PTGER4: variants seen among roughly 807,000 people sequenced by gnomAD.
The protein encoded by PTGER4 is prostaglandin E2 receptor EP4 subtype.
Under a neutral mutation model 33.2 loss-of-function variants are expected in PTGER4, and 11 were observed. That is an observed-to-expected ratio of 0.33 (90% CI 0.21 to 0.55). The LOEUF (loss-of-function observed/expected upper bound fraction) is 0.55. Among genes scored for constraint, PTGER4 ranks in the 20% least tolerant of loss-of-function variants. PTGER4 has a pLI of 0.92. For missense variants in PTGER4, 481 were observed against 650.2 expected (o/e 0.74, Z 2.83); for synonymous variants, 275 against 281.5 (o/e 0.98, Z 0.23).
chr5:40,681,837 C>A lies in PTGER4; in HGVS notation c.844C>A (p.Leu282Ile). Reference sequence around the variant, plus strand: ...ACTCATTGCCACCTCCCTGGTGGTGCTCATCTGCTCCATCCCGCTCGTGGT... The same window carrying A: ...ACTCATTGCCACCTCCCTGGTGGTGATCATCTGCTCCATCCCGCTCGTGGT... ...ILLIATSLVV[L>I]ICSIPLVVRV... Residue 282 changes from leucine to isoleucine, a missense_variant, in exon 2 of 3, where the codon CTC (leucine) becomes ATC (isoleucine). Physicochemically the swap from Leu to Ile is conservative, Grantham distance 5. This residue lies in a region of PTGER4 where 174 missense variants were observed against 210.5 expected (regional missense o/e 0.83). Coordinates refer to ENST00000302472, the MANE Select transcript of PTGER4 (RefSeq NM_000958.3). The surrounding 1 kb of genome is among the most constrained non-coding windows in gnomAD (Gnocchi z 9.8). 6.4e-7 allele frequency: 1 copy of A among 1,552,160 alleles called. No individual in the cohort carries two copies. The highest frequency in any genetic ancestry group is 2.0e-5 in the Admixed American group (1 of 50,380).
chr5:40,707,687 G>C, the PTGER4 span, among the ~76,000 whole-genome samples: 162 of 152,224 alleles, frequency 1.1e-3, 1 homozygote, highest in East Asian at 0.026. Context: ...CGACCTAACA[G>C]ACCTCTACAG....
At chr5:40,697,278 GAAAGAAAGAA>G (rs1741632974), downstream of PTGER4, among the ~76,000 whole-genome samples, 1 of 129,860 alleles carries the variant, frequency 7.7e-6, no homozygotes, top group East Asian at 2.9e-4. Context: ...AAGAAAGAAA[GAAAGAAAGAA>G]AGAAAGAAAA....
the PTGER4 span, among the ~76,000 whole-genome samples, chr5:40,707,616 G>T: frequency 6.6e-6 from 1 of 152,114 alleles, no homozygotes; most frequent in Admixed American, 6.5e-5. Flanking sequence ...ACATTAGACA[G>T]ATCCACGAGA....
chr5:40,722,750 G>A, the PTGER4 span, among the ~76,000 whole-genome samples: 5 of 150,748 alleles, frequency 3.3e-5, no homozygotes, highest in African/African-American at 7.3e-5. Flanking sequence ...GCCCCTGCCC[G>A]GCCAGACGCC....
the PTGER4 span, among the ~76,000 whole-genome samples, chr5:40,703,568 G>C: frequency 6.6e-6 from 1 of 152,188 alleles, no homozygotes; most frequent in South Asian, 2.1e-4. Context: ...GATATACAAA[G>C]AAGAGCTGGT....
At chr5:40,695,070 C>T (rs955719765), downstream of PTGER4, among the ~76,000 whole-genome samples, 8 of 149,298 alleles carry the variant, frequency 5.4e-5, no homozygotes, top group Admixed American at 1.3e-4. Context: ...ACAATCTAAC[C>T]GATTAGATCA....
At chr5:40,700,537 G>C in the PTGER4 span, among the ~76,000 whole-genome samples, 3 of 152,248 alleles carry the variant, frequency 2.0e-5, no homozygotes, top group African/African-American at 2.4e-5. Flanking sequence ...CTCGTCACCA[G>C]ACAGGGAACC....
At position 40,681,424 on chromosome 5, in the gene PTGER4, A is replaced by G. The variant is rs764176792; in HGVS notation, c.431A>G (p.Tyr144Cys). 4.3e-6 allele frequency: 7 copies of G among 1,613,896 alleles called. No homozygotes were observed. In the South Asian group the frequency reaches 5.5e-5, roughly 13 times the overall value. Residue 144 changes from tyrosine (Y) to cysteine (C), a missense_variant, in exon 2 of 3, where the codon TAT becomes TGT. Transcript: ENST00000302472. The surrounding 1 kb of genome is among the most constrained non-coding windows in gnomAD (Gnocchi z 9.8). ...RLAGLTLFAV[Y>C]ASNVLFCALP... ...GCGGGCCTCACGCTCTTTGCAGTCTATGCGTCCAACGTGCTCTTTTGCGCG... is the reference window on the plus strand; with the variant it reads ...GCGGGCCTCACGCTCTTTGCAGTCTGTGCGTCCAACGTGCTCTTTTGCGCG...
chr5:40,731,088 T>C, the PTGER4 span, among the ~76,000 whole-genome samples: 1 of 152,196 alleles, frequency 6.6e-6, no homozygotes, highest in Non-Finnish European at 1.5e-5. Context: ...CAAATGTTAT[T>C]GTAGATGTGA....
At chr5:40,721,648 A>G in the PTGER4 span, among the ~76,000 whole-genome samples, 6 of 152,232 alleles carry the variant, frequency 3.9e-5, no homozygotes, top group East Asian at 1.2e-3. Flanking sequence ...TGAAGCTTAC[A>G]TTGTAGGAGT....
chr5:40,715,797 T>C, the PTGER4 span: 2 of 180,462 alleles, frequency 1.1e-5, no homozygotes, highest in Admixed American at 1.2e-4. Context: ...AAACAAAAGT[T>C]GAGACAGCAT....
At chr5:40,721,025 T>G in the PTGER4 span, among the ~76,000 whole-genome samples, 1 of 152,192 alleles carries the variant, frequency 6.6e-6, no homozygotes, top group East Asian at 1.9e-4. Flanking sequence ...GTAGTCACCC[T>G]ATCTGTTCCC....
the PTGER4 span, chr5:40,716,105 A>G: frequency 6.7e-7 from 1 of 1,488,664 alleles, no homozygotes; most frequent in African/African-American, 1.4e-5. Flanking sequence ...TTCAAGAGGC[A>G]ATCAAAAAGA....
chr5:40,698,119 AC>A (rs1293747475), downstream of PTGER4, among the ~76,000 whole-genome samples: 76 of 68,726 alleles, frequency 1.1e-3, 1 homozygote, highest in East Asian at 2.0e-3. Context: ...AAAAAAAAAA[AC>A]CATGAAAAAT....
chr5:40,728,473 G>A, the PTGER4 span: 1 of 1,591,576 alleles, frequency 6.3e-7, no homozygotes, highest in Non-Finnish European at 8.5e-7. Context: ...AGAGACATTA[G>A]CACCTATAGG....
chr5:40,717,853 C>T, the PTGER4 span, among the ~76,000 whole-genome samples: 65 of 151,826 alleles, frequency 4.3e-4, no homozygotes, highest in African/African-American at 1.4e-3. Context: ...CACCTGAGGT[C>T]AGAAGTTCAA....
Position 40,693,038 on chromosome 5 carries a change from G to T in PTGER4, c.*660G>T, listed in dbSNP as rs1741512856. 1.1e-6 allele frequency: 1 copy of T among 902,378 alleles called. No homozygotes were observed. Among genetic ancestry groups the T allele is most frequent in the South Asian group, 5.1e-5 (1 of 19,502 alleles). 55.9% of individuals were successfully genotyped at this position (902,378 alleles called of 1,614,324 possible). A position where few individuals can be genotyped will look rare whatever the true frequency, so the allele number is the denominator to read the frequency against. On this transcript the variant is annotated 3_prime_UTR_variant, in exon 3 of 3. Transcript: ENST00000302472. ...AATAGATATAAATTTTTAAGAGAAAGAATTTAGTATTATCAAAGGGATAAA... is the reference window on the plus strand; with the variant it reads ...AATAGATATAAATTTTTAAGAGAAATAATTTAGTATTATCAAAGGGATAAA...
At chr5:40,719,499 G>T in the PTGER4 span, among the ~76,000 whole-genome samples, 1 of 152,180 alleles carries the variant, frequency 6.6e-6, no homozygotes, top group African/African-American at 2.4e-5. Flanking sequence ...TTTAAATGCT[G>T]CTGCTATGAA....
At chr5:40,704,427 G>A in the PTGER4 span, among the ~76,000 whole-genome samples, 1 of 152,180 alleles carries the variant, frequency 6.6e-6, no homozygotes, top group Non-Finnish European at 1.5e-5. Flanking sequence ...ACTGGCTCAA[G>A]ACAAGGATGC....
Sources: gnomAD v4.1 joint callset for allele counts (sites outside exome capture counted in the v4.1 genomes callset) on GRCh38, gnomAD v4.1.1 for gene constraint, gnomAD v4.1.1 regional missense constraint, Gnocchi (gnomAD v3.1) non-coding constraint, MANE v1.5 for transcripts, NCBI Gene and HGNC (gene_info 2026-07-23, HGNC 2026-07-21) for gene names.